Variants in PLCB1 observed in about 807,000 individuals in gnomAD.
PLCB1 encodes phospholipase C beta 1, also known as 1-phosphatidylinositol 4,5-bisphosphate phosphodiesterase beta-1.
A neutral mutation model predicts 161.8 loss-of-function variants in PLCB1; 46 were observed. The observed-to-expected ratio is 0.28, with a 90% CI of 0.22 to 0.36. The LOEUF (loss-of-function observed/expected upper bound fraction) is 0.36. PLCB1 is among the 10% of genes least tolerant of loss of function. The probability of loss-of-function intolerance (pLI) is 1.00; values close to 1 mark genes in which losing one functional copy is unlikely to be tolerated. For missense variants in PLCB1, 1,016 were observed against 1,472.5 expected, an observed-to-expected ratio of 0.69 and a Z score of 5.07; for synonymous variants, 517 against 503.7, an observed-to-expected ratio of 1.03 and a Z score of -0.35.
chr20:8,812,543 A>G (rs546226722), intron 31 of PLCB1, among the ~76,000 whole-genome samples: 17 of 152,168 alleles, frequency 1.1e-4, no homozygotes, highest in Non-Finnish European at 1.9e-4. Context: ...GCCAGACTCT[A>G]CCGGGGCATC....
intron 22 of PLCB1, among the ~76,000 whole-genome samples, chr20:8,740,953 T>C (rs1980848319): frequency 6.6e-6 from 1 of 152,228 alleles, no homozygotes; most frequent in Admixed American, 6.5e-5. Context: ...CAGCCATAAC[T>C]CATTCCAGCT....
chr20:8,816,198 G>A (rs1171498537), intron 31 of PLCB1, among the ~76,000 whole-genome samples: 3 of 152,092 alleles, frequency 2.0e-5, no homozygotes, highest in African/African-American at 7.2e-5. Flanking sequence ...ACTGGAAAGA[G>A]AAAACCAAGG....
intron 3 of PLCB1, among the ~76,000 whole-genome samples, chr20:8,510,730 T>A (rs1600116363): frequency 6.6e-6 from 1 of 152,300 alleles, no homozygotes; most frequent in East Asian, 1.9e-4. Flanking sequence ...AATTTACTGA[T>A]CACACAGAAC....
chr20:8,477,087 C>T (rs6118206), intron 3 of PLCB1, among the ~76,000 whole-genome samples: 358 of 152,278 alleles, frequency 2.4e-3, no homozygotes, highest in Non-Finnish European at 4.0e-3. Context: ...CCACCCCAGA[C>T]CAACTAAATC....
Position 8,662,365 on chromosome 20 carries a change from T to C in PLCB1, c.862+3661T>C, listed in dbSNP as rs1989691154. On this transcript the variant is annotated intron_variant, in intron 9 of 31. Coordinates refer to ENST00000338037, the MANE Select transcript of PLCB1 (RefSeq NM_015192.4). ...ATTATGTATAATATGTAATTATTTA[T>C]TATATAATTATGTATAATATATAAT... Among the ~76,000 whole-genome samples the C allele has an allele frequency of 6.2e-5, 8 of 128,654 alleles. No homozygotes were observed. In the South Asian group the frequency reaches 1.8e-3, roughly 29 times the overall value. 84.4% of individuals were successfully genotyped at this position (128,654 alleles called of 152,430 possible).
intron 23 of PLCB1, among the ~76,000 whole-genome samples, chr20:8,749,823 C>G (rs1264905789): frequency 6.6e-6 from 1 of 152,260 alleles, no homozygotes; most frequent in East Asian, 1.9e-4. Context: ...TTGATTTATT[C>G]ATTCATTCAA....
chr20:8,630,214 A>G (rs1348180146), intron 4 of PLCB1, among the ~76,000 whole-genome samples: 4 of 151,148 alleles, frequency 2.6e-5, no homozygotes, highest in African/African-American at 4.9e-5. Context: ...AGCCTGCCGA[A>G]TAGCTGGGAC....
chr20:8,777,323 C>T (rs1331678730), intron 27 of PLCB1, among the ~76,000 whole-genome samples: 6 of 152,098 alleles, frequency 3.9e-5, no homozygotes, highest in African/African-American at 1.4e-4. Flanking sequence ...TAGGAAGAAG[C>T]CGTCCCAAAG....
rs140526289 is a variant in PLCB1 at position 8,540,911 on chromosome 20, A to T, written c.247-87383A>T. Among the ~76,000 whole-genome samples, 1,305 of 151,776 alleles carry T rather than the reference A, an allele frequency of 8.6e-3. 15 individuals carry two copies. The highest frequency in any genetic ancestry group is 0.013 in the Non-Finnish European group (898 of 67,872). On this transcript the variant is annotated intron_variant, in intron 3 of 31. Transcript: ENST00000338037. ...GAGCCCTGATGCCCTGTATTTATTT[A>T]TTTTTTTTACTAATTTTTCCACTGC... is the stretch of plus-strand genomic sequence containing the variant.
intron 2 of PLCB1, among the ~76,000 whole-genome samples, chr20:8,165,584 C>T (rs553258546): frequency 3.5e-4 from 54 of 152,174 alleles, no homozygotes; most frequent in South Asian, 1.2e-3. Context: ...TGATGAAGGC[C>T]TTGAATTCGG....
intron 3 of PLCB1, among the ~76,000 whole-genome samples, chr20:8,574,702 T>C (rs1371650304): frequency 6.8e-6 from 1 of 146,762 alleles, no homozygotes; most frequent in African/African-American, 2.8e-5. Context: ...CATGATCAAA[T>C]ACAAGCCTCA....
chr20:8,697,068 A>G (rs1399422258), intron 10 of PLCB1, among the ~76,000 whole-genome samples: 1 of 152,170 alleles, frequency 6.6e-6, no homozygotes, highest in African/African-American at 2.4e-5. Context: ...ACTTTTAAAA[A>G]CAGAATGTTT....
intron 31 of PLCB1, among the ~76,000 whole-genome samples, chr20:8,833,364 T>G (rs535755279): frequency 5.3e-5 from 8 of 152,312 alleles, no homozygotes; most frequent in African/African-American, 1.9e-4. Context: ...TTATTCACTA[T>G]CATGAGAACA....
At chr20:8,422,501 T>A (rs1979580676) in intron 3 of PLCB1, among the ~76,000 whole-genome samples, 2 of 152,200 alleles carry the variant, frequency 1.3e-5, no homozygotes. Flanking sequence ...AGGGGTTACA[T>A]GGGTCTATGC....
intron 18 of PLCB1, among the ~76,000 whole-genome samples, chr20:8,732,918 ATATAT>A (rs1980350163): frequency 6.7e-6 from 1 of 148,228 alleles, no homozygotes; most frequent in Non-Finnish European, 1.5e-5. Flanking sequence ...TATTATTCTA[ATATAT>A]TTAATCAAAG....
At chr20:8,209,018 C>T (rs1419175917) in intron 2 of PLCB1, among the ~76,000 whole-genome samples, 1 of 151,912 alleles carries the variant, frequency 6.6e-6, no homozygotes, top group African/African-American at 2.4e-5. Flanking sequence ...GTGTTTGTTT[C>T]TAAAAATGCT....
chr20:8,320,900 G>T (rs1984887197), intron 2 of PLCB1, among the ~76,000 whole-genome samples: 1 of 145,126 alleles, frequency 6.9e-6, no homozygotes, highest in African/African-American at 2.6e-5. Context: ...AAAGAGAGAA[G>T]AAGAAAAGAA....
At chr20:8,326,280 T>G (rs1411146846) in intron 2 of PLCB1, among the ~76,000 whole-genome samples, 1 of 152,208 alleles carries the variant, frequency 6.6e-6, no homozygotes, top group East Asian at 1.9e-4. Flanking sequence ...TTCATATAAA[T>G]TAAACTATGT....
intron 3 of PLCB1, among the ~76,000 whole-genome samples, chr20:8,482,354 G>A (rs145524456): frequency 7.9e-4 from 120 of 151,996 alleles, no homozygotes; most frequent in African/African-American, 2.8e-3. Context: ...CACTCACCTC[G>A]GCCTCCCAAA....
Sources: gnomAD v4.1 joint callset for allele counts (sites outside exome capture counted in the v4.1 genomes callset) on GRCh38, gnomAD v4.1.1 for gene constraint, MANE v1.5 for transcripts, NCBI Gene and HGNC (gene_info 2026-07-23, HGNC 2026-07-21) for gene names.